AXIN1: variants seen among roughly 807,000 people sequenced by gnomAD.
The protein encoded by AXIN1 is axin 1.
In AXIN1, 30 loss-of-function variants were observed where a neutral mutation model predicts 76.4. The observed-to-expected ratio is 0.39, with a 90% CI of 0.29 to 0.53. The LOEUF (loss-of-function observed/expected upper bound fraction) is 0.53. AXIN1 is among the 20% of genes least tolerant of loss of function. The pLI is 0.66. For missense variants in AXIN1, 1,140 were observed against 1,198.8 expected (o/e 0.95, Z 0.72); for synonymous variants, 545 against 501.4 (o/e 1.09, Z -1.16).
chr16:341,741 T>C (rs1261322986), intron 2 of AXIN1, among the ~76,000 whole-genome samples: 1 of 152,210 alleles, frequency 6.6e-6, no homozygotes, highest in African/African-American at 2.4e-5. Flanking sequence ...CCTTTATGTC[T>C]AGCTCAGGGA....
chr16:347,710 G>A (rs1374417480), intron 1 of AXIN1, among the ~76,000 whole-genome samples: 1 of 152,200 alleles, frequency 6.6e-6, no homozygotes, highest in Non-Finnish European at 1.5e-5. Context: ...ACACACTGCA[G>A]GGTGTTCCTC....
chr16:300,750 G>C (rs541537492), intron 5 of AXIN1, among the ~76,000 whole-genome samples: 1 of 152,238 alleles, frequency 6.6e-6, no homozygotes, highest in Admixed American at 6.5e-5. Context: ...CCCTTTCCTT[G>C]GTTTTGTAGG....
chr16:323,571 A>G (rs2053511937), intron 2 of AXIN1, among the ~76,000 whole-genome samples: 1 of 151,722 alleles, frequency 6.6e-6, no homozygotes, highest in African/African-American at 2.4e-5. Flanking sequence ...CACAAGGTCA[A>G]GAGATCAAGA....
chr16:319,597 G>A (rs1377631803), intron 2 of AXIN1, among the ~76,000 whole-genome samples: 1 of 152,184 alleles, frequency 6.6e-6, no homozygotes, highest in Non-Finnish European at 1.5e-5. Flanking sequence ...CACACAGAAG[G>A]TCTCCCCTGC....
Position 347,119 on chromosome 16 carries a change from T to G in AXIN1, c.-81-13A>C. ...GAATCAATCTGTCCTGTTGAAACCA[T>G]TAAGAGGACAAGGATTAGGAAAGGT... On this transcript the variant is annotated splice_polypyrimidine_tract_variant and intron_variant, in intron 1 of 10. Transcript: ENST00000262320. The G allele has an allele frequency of 6.2e-7, 1 of 1,604,914 alleles. No individual in the cohort carries two copies. The highest frequency in any genetic ancestry group is 8.5e-7 in the Non-Finnish European group (1 of 1,178,284).
rs1414621873 is a variant in AXIN1, at chr16:298,209, C to G, written c.1297G>C (p.Gly433Arg). ...GCGGGAGGCAGCTTGTGACACGGCC[C>G]TGGGGGCCCTGACGATGGATCGCCG... is the stretch of plus-strand genomic sequence containing the variant. ...EDGDPSSGPP[G>R]PCHKLPPAPA... is the part of the protein sequence containing the mutation. The change falls in exon 6 of 11, where the codon GGG becomes CGG. Residue 433 changes from glycine (G) to arginine (R), a missense_variant. Gly to Arg is a moderately radical substitution (Grantham distance 125, BLOSUM62 -2). Coordinates refer to ENST00000262320, the MANE Select transcript of AXIN1 (RefSeq NM_003502.4). 4 of 1,541,010 alleles carry G rather than the reference C, an allele frequency of 2.6e-6. No homozygotes were observed. Among genetic ancestry groups the G allele is most frequent in the South Asian group, 1.2e-5 (1 of 84,124 alleles).
At chr16:300,858 G>A (rs1230741013) in intron 5 of AXIN1, among the ~76,000 whole-genome samples, 2 of 152,194 alleles carry the variant, frequency 1.3e-5, no homozygotes, top group African/African-American at 2.4e-5. Flanking sequence ...TGCCTTGGCC[G>A]AGCTCCACAT....
At chr16:289,812 T>A (rs2052503548) in intron 9 of AXIN1, 4 of 665,634 alleles carry the variant, frequency 6.0e-6, no homozygotes, top group Non-Finnish European at 1.0e-5. Flanking sequence ...CTCCGCTCAC[T>A]GGGAGCACGA....
intron 2 of AXIN1, among the ~76,000 whole-genome samples, chr16:332,686 A>AT (rs1203240718): frequency 6.6e-6 from 1 of 151,570 alleles, no homozygotes; most frequent in African/African-American, 2.4e-5. Context: ...AAAAAGTATA[A>AT]TTTTTTGAGT....
chr16:327,774 T>C (rs1022870456), intron 2 of AXIN1, among the ~76,000 whole-genome samples: 9 of 152,232 alleles, frequency 5.9e-5, no homozygotes, highest in Non-Finnish European at 1.3e-4. Context: ...CACTTCTTTA[T>C]AAAGTTTCTG....
intron 2 of AXIN1, among the ~76,000 whole-genome samples, chr16:328,751 C>G (rs1453254842): frequency 6.6e-6 from 1 of 152,044 alleles, no homozygotes; most frequent in East Asian, 1.9e-4. Context: ...TCACAGGAAC[C>G]CAAACACTCA....
intron 1 of AXIN1, among the ~76,000 whole-genome samples, chr16:347,546 C>T (rs2054057052): frequency 6.6e-6 from 1 of 152,194 alleles, no homozygotes; most frequent in African/African-American, 2.4e-5. Flanking sequence ...GACAATCGCT[C>T]CACCAGCCCC....
At chr16:342,274 C>T (rs115930582) in intron 2 of AXIN1, among the ~76,000 whole-genome samples, 5 of 152,132 alleles carry the variant, frequency 3.3e-5, no homozygotes, top group Non-Finnish European at 5.9e-5. Context: ...CACCTCCGAA[C>T]GTCAGAAGGA....
chr16:340,672 C>T (rs1200750342), intron 2 of AXIN1, among the ~76,000 whole-genome samples: 2 of 152,326 alleles, frequency 1.3e-5, no homozygotes, highest in Middle Eastern at 6.8e-3. Flanking sequence ...AACAAAGACC[C>T]GAGGGTGCAG....
intron 4 of AXIN1, among the ~76,000 whole-genome samples, chr16:305,412 G>C (rs1316968500): frequency 6.6e-6 from 1 of 152,168 alleles, no homozygotes; most frequent in South Asian, 2.1e-4. Context: ...GGAGATCAAG[G>C]CTGCAGTGAG....
chr16:293,447 GT>G lies in AXIN1; in HGVS notation c.2186+40del. ...CTTCAGCCCCAGGAGTGGTGCTGTG[GT>G]AACCCCCAAGACCCACCCCACCCCA... On this transcript the variant is annotated intron_variant, in intron 8 of 10. Transcript: ENST00000262320. This position sits in a 1 kb window ranked among gnomAD's most constrained non-coding sequence, Gnocchi z 4.6. 1 of 1,588,068 alleles carries G rather than the reference GT, an allele frequency of 6.3e-7. No homozygotes were observed. Among genetic ancestry groups the G allele is most frequent in the Non-Finnish European group, 8.6e-7 (1 of 1,165,670 alleles).
At chr16:326,370 A>ATATATATATATATATATAT (rs1415761664) in intron 2 of AXIN1, among the ~76,000 whole-genome samples, 8 of 93,018 alleles carry the variant, frequency 8.6e-5, no homozygotes, top group African/African-American at 1.9e-4. Flanking sequence ...AAAAAAAAAA[A>ATATATATATATATATATAT]AAATATATAT....
chr16:319,307 G>A (rs2053385228), intron 2 of AXIN1, among the ~76,000 whole-genome samples: 4 of 152,286 alleles, frequency 2.6e-5, no homozygotes, highest in South Asian at 2.1e-4. Flanking sequence ...GTTCCAGCCT[G>A]TGCTCCAGAC....
chr16:291,676 A>C, intron 8 of AXIN1: 1 of 355,672 alleles, frequency 2.8e-6, no homozygotes. Flanking sequence ...TAGCGTGGAC[A>C]CTGGCTCTGG....
Sources: gnomAD v4.1 joint callset for allele counts (sites outside exome capture counted in the v4.1 genomes callset) on GRCh38, gnomAD v4.1.1 for gene constraint, Gnocchi (gnomAD v3.1) non-coding constraint, MANE v1.5 for transcripts, NCBI Gene and HGNC (gene_info 2026-07-23, HGNC 2026-07-21) for gene names.